CCDC88C: variants seen among roughly 807,000 people sequenced by gnomAD.
CCDC88C encodes the protein coiled-coil and HOOK domain protein 88C.
In CCDC88C, 131 loss-of-function variants were observed where a neutral mutation model predicts 198.8. The observed-to-expected ratio is 0.66, with a 90% CI of 0.57 to 0.76. CCDC88C has a LOEUF of 0.76. CCDC88C is among the 30% of genes least tolerant of loss of function. The pLI is 0.00. For missense variants in CCDC88C, 2,553 were observed against 2,631.6 expected (o/e 0.97, Z 0.65); for synonymous variants, 1,166 against 1,114.7 (o/e 1.05, Z -0.92).
At chr14:91,360,047 G>A (rs1363184167) in intron 3 of CCDC88C, among the ~76,000 whole-genome samples, 2 of 152,176 alleles carry the variant, frequency 1.3e-5, no homozygotes, top group Admixed American at 6.5e-5. Context: ...AAAGGCAATA[G>A]ATGACATGCT....
Position 91,338,745 on chromosome 14 carries a change from T to C in CCDC88C, c.810-175A>G. 1.7e-6 allele frequency: 1 copy of C among 600,120 alleles called. No homozygotes were observed. The highest frequency in any genetic ancestry group is 2.0e-5 in the South Asian group (1 of 50,294). The allele number at this position is 600,120 out of a possible 1,614,324, so 37.2% of individuals were successfully genotyped here. ...AAATGTTACTGACTCAAAATTCTTT[T>C]CTTTTCATAAGTTTGCAACACCGGC... is the stretch of plus-strand genomic sequence containing the variant. On this transcript the variant is annotated intron_variant, in intron 8 of 29. Coordinates refer to ENST00000389857, the MANE Select transcript of CCDC88C (RefSeq NM_001080414.4). The surrounding 1 kb of genome is among the most constrained non-coding windows in gnomAD (Gnocchi z 4.8).
Position 91,294,273 on chromosome 14 carries a change from G to A in CCDC88C, c.4012C>T (p.Leu1338Phe), listed in dbSNP as rs1355695072. 1.2e-6 allele frequency: 2 copies of A among 1,613,910 alleles called. No individual in the cohort carries two copies. Among genetic ancestry groups the A allele is most frequent in the African/African-American group, 2.7e-5 (2 of 74,944 alleles). The change falls in exon 23 of 30, where the codon CTC (leucine) becomes TTC (phenylalanine). Residue 1338 changes from leucine (L) to phenylalanine (F), a missense_variant. Leu to Phe is a conservative substitution (Grantham distance 22, BLOSUM62 0). Around this residue, in one of 2 missense-constraint regions of CCDC88C, gnomAD observed 1,293 missense variants for 1,219.6 expected, o/e 1.06. Coordinates refer to ENST00000389857, the MANE Select transcript of CCDC88C (RefSeq NM_001080414.4). ...KGNLEEENHH[L>F]LSQIQLLSQQ... Reference sequence around the variant, plus strand: ...CTCAACAGCTGGATCTGGCTCAGGAGGTGATGATTTTCTTCCTCCAAGTTC... The same window carrying A: ...CTCAACAGCTGGATCTGGCTCAGGAAGTGATGATTTTCTTCCTCCAAGTTC...
At position 91,297,564 on chromosome 14, in the gene CCDC88C, C is replaced by A; in HGVS notation, c.3780-73G>T. ...ACAGGTAACGGCCCAGAGACCTGGG[C>A]TATGTCCCAGCTCTGACAGTGGCAG... On this transcript the variant is annotated intron_variant, in intron 21 of 29. Coordinates refer to ENST00000389857, the MANE Select transcript of CCDC88C (RefSeq NM_001080414.4). 3.4e-6 allele frequency: 5 copies of A among 1,453,624 alleles called. 1 individual carries two copies. In the Middle Eastern group the frequency reaches 7.0e-4, roughly 204 times the overall value. 90.0% of individuals were successfully genotyped at this position (1,453,624 alleles called of 1,614,324 possible).
intron 3 of CCDC88C, among the ~76,000 whole-genome samples, chr14:91,397,853 C>A (rs944210123): frequency 1.3e-5 from 2 of 152,226 alleles, no homozygotes; most frequent in Non-Finnish European, 2.9e-5. Flanking sequence ...CAGGACAGCA[C>A]GTCCACCTGC....
intron 3 of CCDC88C, among the ~76,000 whole-genome samples, chr14:91,375,519 C>T (rs891027778): frequency 7.9e-5 from 12 of 152,084 alleles, no homozygotes; most frequent in African/African-American, 4.8e-5. Flanking sequence ...AATCAAAGAG[C>T]GTTTTCGGGG....
chr14:91,340,169 C>A, intron 6 of CCDC88C, 145 bp from the exon 7 acceptor site: 7 of 1,116,750 alleles, frequency 6.3e-6, no homozygotes, highest in Non-Finnish European at 7.7e-6. Flanking sequence ...GTGCCCTACG[C>A]AAGTGTGGCC....
At chr14:91,387,236 C>T (rs997063223) in intron 3 of CCDC88C, among the ~76,000 whole-genome samples, 1 of 152,206 alleles carries the variant, frequency 6.6e-6, no homozygotes, top group South Asian at 2.1e-4. Context: ...CTTTATAGAA[C>T]TGACAGTCAG....
rs538914861 is a variant in CCDC88C at position 91,303,745 on chromosome 14, T to C, written c.3591A>G (p.Thr1197=). Residue 1197 remains threonine (T), a synonymous_variant, in exon 20 of 30, where the codon ACA becomes ACG. Coordinates refer to ENST00000389857, the MANE Select transcript of CCDC88C (RefSeq NM_001080414.4). ...GCTCCAGCTCCAGATTCCGATGCAGTGTCTTTAGGCAGCTGTGCTGGCGGA... is the reference window on the plus strand; with the variant it reads ...GCTCCAGCTCCAGATTCCGATGCAGCGTCTTTAGGCAGCTGTGCTGGCGGA... ...ALIRQHSCLK[T]LHRNLELEHK... 4.3e-6 allele frequency: 7 copies of C among 1,609,740 alleles called. No homozygotes were observed. In the African/African-American group the frequency reaches 5.3e-5, roughly 12 times the overall value.
At chr14:91,331,414 C>G (rs942877928) in intron 10 of CCDC88C, among the ~76,000 whole-genome samples, 2 of 152,304 alleles carry the variant, frequency 1.3e-5, no homozygotes, top group Admixed American at 6.5e-5. Context: ...GGCAGAGGAG[C>G]TGGGGCCCTG....
In CCDC88C at chr14:91,313,842, G is replaced by C; in HGVS notation, c.1974C>G (p.Thr658=). Residue 658 remains threonine (T), a synonymous_variant, in exon 15 of 30, where the codon ACC becomes ACG. Transcript: ENST00000389857. This position sits in a 1 kb window ranked among gnomAD's most constrained non-coding sequence, Gnocchi z 5.2. ...CATGCTCCAGGGCCTCGACTTTCTC[G>C]GTGGCTGTCTCCAGGGAGGTCACCT... is the stretch of plus-strand genomic sequence containing the variant. The part of the protein sequence containing the change: ...ARKVTSLETA[T]EKVEALEHES... 1 of 1,603,590 alleles carries C rather than the reference G, an allele frequency of 6.2e-7. No individual in the cohort carries two copies. Among genetic ancestry groups the C allele is most frequent in the Non-Finnish European group, 8.5e-7 (1 of 1,176,586 alleles).
In CCDC88C at chr14:91,308,376, C is replaced by T. The variant is rs750428136; in HGVS notation, c.2981G>A (p.Arg994His). 8.1e-6 allele frequency: 13 copies of T among 1,614,018 alleles called. No individual in the cohort carries two copies. Among genetic ancestry groups the T allele is most frequent in the East Asian group, 2.2e-5 (1 of 44,888 alleles). Residue 994 changes from arginine (R) to histidine (H), a missense_variant, in exon 17 of 30, where the codon CGC (arginine) becomes CAC (histidine). Coordinates refer to ENST00000389857, the MANE Select transcript of CCDC88C (RefSeq NM_001080414.4). ...CATCTGCAGCTCACTCTCTAACTGG[C>T]GATTTAGGCTCGCTTTCTCTTCCAT... ...AQMEEKASLN[R>H]QLESELQMLK...
At position 91,338,911 on chromosome 14, in the gene CCDC88C, G is replaced by A; in HGVS notation, c.810-341C>T. The A allele has an allele frequency of 2.1e-6, 1 of 475,294 alleles. No homozygotes were observed. Among genetic ancestry groups the A allele is most frequent in the East Asian group, 4.1e-5 (1 of 24,422 alleles). 29.4% of individuals were successfully genotyped at this position (475,294 alleles called of 1,614,324 possible). On this transcript the variant is annotated intron_variant, in intron 8 of 29. Coordinates refer to ENST00000389857, the MANE Select transcript of CCDC88C (RefSeq NM_001080414.4). The surrounding 1 kb of genome is among the most constrained non-coding windows in gnomAD (Gnocchi z 4.8). ...AGCTGCAGGAAACCTGGGAGAACAG[G>A]CTCACCAGATTGGAGGGAAGGAGGG...
At chr14:91,411,295 A>G (rs1739435007) in intron 2 of CCDC88C, among the ~76,000 whole-genome samples, 3 of 152,198 alleles carry the variant, frequency 2.0e-5, no homozygotes, top group Non-Finnish European at 4.4e-5. Flanking sequence ...CCAGGTCCCA[A>G]GCCCAGCCAA....
chr14:91,410,205 A>G (rs920609137), intron 2 of CCDC88C, among the ~76,000 whole-genome samples: 2 of 152,276 alleles, frequency 1.3e-5, no homozygotes, highest in East Asian at 1.9e-4. Context: ...GTTCGCTTCC[A>G]CCCTTCCACA....
At chr14:91,296,496 G>A (rs1891007640) in intron 22 of CCDC88C, among the ~76,000 whole-genome samples, 1 of 152,196 alleles carries the variant, frequency 6.6e-6, no homozygotes, top group Non-Finnish European at 1.5e-5. Flanking sequence ...AGGCAGTGCC[G>A]TGGCCTTTGC....
chr14:91,347,081 T>C (rs1596096932), intron 4 of CCDC88C, among the ~76,000 whole-genome samples: 1 of 152,064 alleles, frequency 6.6e-6, no homozygotes, highest in Admixed American at 6.6e-5. Context: ...CACAGACCCT[T>C]CCCAGCCGTC....
rs771411381 is a variant in CCDC88C at position 91,273,273 on chromosome 14, GAGA to G, written c.5436_5438del (p.Leu1813del). On this transcript the variant is annotated inframe_deletion, in exon 30 of 30. Transcript: ENST00000389857. The surrounding 1 kb of genome is among the most constrained non-coding windows in gnomAD (Gnocchi z 5.6). ...TGCAGGCCTCTGGCCCGCTGGCCCG[GAGA>G]AGGTCAGCTGAGGCCAGGCTGAAGG... The G allele has an allele frequency of 1.2e-5, 19 of 1,559,656 alleles. No homozygotes were observed. Among genetic ancestry groups the G allele is most frequent in the South Asian group, 1.2e-4 (10 of 85,004 alleles).
intron 3 of CCDC88C, among the ~76,000 whole-genome samples, chr14:91,385,212 CTAAG>C (rs1382963125): frequency 2.0e-5 from 3 of 152,138 alleles, no homozygotes; most frequent in Non-Finnish European, 1.5e-5. Flanking sequence ...GGAGGTTTAC[CTAAG>C]AAGTCTACCA....
At chr14:91,388,749 C>A (rs111394926) in intron 3 of CCDC88C, among the ~76,000 whole-genome samples, 1 of 152,338 alleles carries the variant, frequency 6.6e-6, no homozygotes, top group South Asian at 2.1e-4. Context: ...AACTGTGGGC[C>A]ATGACTCAAG....
Sources: allele counts gnomAD v4.1 joint callset (sites outside exome capture counted in the v4.1 genomes callset), GRCh38; gene constraint gnomAD v4.1.1; regional missense constraint gnomAD v4.1.1; non-coding constraint Gnocchi (gnomAD v3.1); transcripts MANE v1.5; gene names NCBI Gene and HGNC (gene_info 2026-07-23, HGNC 2026-07-21).